The following FOXP1 variants were observed in gnomAD, a reference collection of about 807,000 sequenced individuals.
The protein encoded by FOXP1 is forkhead box P1.
FOXP1 carries 15 observed loss-of-function variants against 98.2 expected under a neutral mutation model. The observed-to-expected ratio is 0.15, with a 90% CI of 0.10 to 0.24. The LOEUF (loss-of-function observed/expected upper bound fraction) is 0.24. FOXP1 is among the 10% of genes least tolerant of loss of function. The pLI, the probability that FOXP1 is intolerant of heterozygous loss-of-function variation, is 1.00. For synonymous variants in FOXP1, 371 were observed against 314.5 expected, an observed-to-expected ratio of 1.18 and a Z score of -1.90; for missense variants, 633 against 848.5, an observed-to-expected ratio of 0.75 and a Z score of 3.15.
At chr3:71,247,445 G>A (rs1328295847) in intron 5 of FOXP1, among the ~76,000 whole-genome samples, 1 of 152,192 alleles carries the variant, frequency 6.6e-6, no homozygotes, top group Non-Finnish European at 1.5e-5. Context: ...TTGTGGCTCA[G>A]AGAAGGCCAT....
intron 3 of FOXP1, among the ~76,000 whole-genome samples, chr3:71,365,493 A>T (rs1386516642): frequency 6.6e-6 from 1 of 151,994 alleles, no homozygotes; most frequent in Non-Finnish European, 1.5e-5. Flanking sequence ...TCATCAATAC[A>T]GTCAAGCCCC....
rs112733073 is a variant in FOXP1 at position 71,431,740 on chromosome 3, G to A, written c.-168+61686C>T. Among the ~76,000 whole-genome samples, 1,035 of 152,232 alleles carry A rather than the reference G, an allele frequency of 6.8e-3. 10 individuals are homozygous for A. Among genetic ancestry groups the A allele is most frequent in the Non-Finnish European group, 0.01 (694 of 68,012 alleles). ...ACAGGCAACAAAACACACCAAAGAC[G>A]AATGGAGACTAACTTTTCCAAGTCA... On this transcript the variant is annotated intron_variant, in intron 3 of 20. Coordinates refer to ENST00000649528, the MANE Select transcript of FOXP1 (RefSeq NM_001349338.3).
At chr3:71,140,474 C>G (rs1335685783) in intron 6 of FOXP1, among the ~76,000 whole-genome samples, 1 of 152,220 alleles carries the variant, frequency 6.6e-6, no homozygotes, top group East Asian at 1.9e-4. Context: ...CTTCCAAAAG[C>G]TCTGTTGTTA....
In FOXP1 at chr3:71,015,534, T is replaced by C. The variant is rs770115156; in HGVS notation, c.974+15A>G. On this transcript the variant is annotated intron_variant, in intron 12 of 20. Coordinates refer to ENST00000649528, the MANE Select transcript of FOXP1 (RefSeq NM_001349338.3). ...GGCTATGTAAAAGAAGAAAACAAAA[T>C]AAAATCATTCTTACTTTAGAAATGA... 1.3e-6 allele frequency: 2 copies of C among 1,575,008 alleles called. No individual in the cohort carries two copies. Among genetic ancestry groups the C allele is most frequent in the Non-Finnish European group, 1.7e-6 (2 of 1,145,064 alleles).
At chr3:71,482,558 G>A (rs1455454373) in intron 3 of FOXP1, among the ~76,000 whole-genome samples, 1 of 151,618 alleles carries the variant, frequency 6.6e-6, no homozygotes, top group Non-Finnish European at 1.5e-5. Flanking sequence ...GCGCCACCAT[G>A]CCCAGCTGAT....
chr3:71,542,642 A>G (rs2044953082), intron 2 of FOXP1, among the ~76,000 whole-genome samples: 1 of 152,234 alleles, frequency 6.6e-6, no homozygotes, highest in South Asian at 2.1e-4. Context: ...CCACATCTGC[A>G]GTTGATGAAA....
At chr3:71,127,892 G>A (rs779796860) in intron 6 of FOXP1, among the ~76,000 whole-genome samples, 3 of 152,194 alleles carry the variant, frequency 2.0e-5, no homozygotes, top group African/African-American at 4.8e-5. Flanking sequence ...CTTTTGGAGA[G>A]AGGCGGAAAG....
chr3:71,479,547 C>T (rs552926386), intron 3 of FOXP1, among the ~76,000 whole-genome samples: 28 of 151,728 alleles, frequency 1.8e-4, no homozygotes, highest in African/African-American at 5.8e-4. Context: ...GGCGTGGTGG[C>T]GGACGCCTGT....
At chr3:71,096,347 T>G (rs1212537734) in intron 7 of FOXP1, among the ~76,000 whole-genome samples, 1 of 152,180 alleles carries the variant, frequency 6.6e-6, no homozygotes, top group Non-Finnish European at 1.5e-5. Context: ...CATCCTAAGA[T>G]TCTCATTCAG....
intron 11 of FOXP1, among the ~76,000 whole-genome samples, chr3:71,020,178 CA>C (rs1272995875): frequency 1.3e-5 from 2 of 151,920 alleles, no homozygotes; most frequent in Non-Finnish European, 2.9e-5. Flanking sequence ...AATTTTAACA[CA>C]AAAATAGTGA....
intron 3 of FOXP1, among the ~76,000 whole-genome samples, chr3:71,466,534 G>A (rs181570210): frequency 6.6e-6 from 1 of 152,284 alleles, no homozygotes; most frequent in African/African-American, 2.4e-5. Context: ...GTCCAAACAA[G>A]CGTTTATTAT....
intron 2 of FOXP1, among the ~76,000 whole-genome samples, chr3:71,523,977 A>G (rs1216387870): frequency 6.6e-6 from 1 of 152,208 alleles, no homozygotes; most frequent in Non-Finnish European, 1.5e-5. Flanking sequence ...ACTACTGGAA[A>G]AAACAATGTA....
At chr3:71,579,232 GA>G (rs1052431918) in intron 2 of FOXP1, among the ~76,000 whole-genome samples, 22 of 146,514 alleles carry the variant, frequency 1.5e-4, no homozygotes, top group African/African-American at 2.5e-4. Flanking sequence ...GTTTATCCCA[GA>G]AAAAAAAAAG....
intron 3 of FOXP1, among the ~76,000 whole-genome samples, chr3:71,418,957 G>C (rs529657648): frequency 5.6e-4 from 82 of 147,724 alleles, no homozygotes; most frequent in South Asian, 8.5e-4. Context: ...AAAAAAGCCG[G>C]GTGCAGTGGC....
chr3:71,269,826 T>C (rs2070154473), intron 5 of FOXP1, among the ~76,000 whole-genome samples: 2 of 152,220 alleles, frequency 1.3e-5, no homozygotes, highest in Admixed American at 1.3e-4. Flanking sequence ...TAACAGCCTC[T>C]AATGATTGTT....
chr3:71,252,462 G>A (rs550994815), intron 5 of FOXP1, among the ~76,000 whole-genome samples: 1 of 152,258 alleles, frequency 6.6e-6, no homozygotes, highest in African/African-American at 2.4e-5. Context: ...TGAGAGAGTG[G>A]AGCTAATAAA....
At chr3:71,197,445 G>C (rs1389625238) in intron 6 of FOXP1, among the ~76,000 whole-genome samples, 1 of 151,892 alleles carries the variant, frequency 6.6e-6, no homozygotes, top group East Asian at 1.9e-4. Flanking sequence ...CTATTTCTTG[G>C]GTCGCCTGTA....
intron 3 of FOXP1, among the ~76,000 whole-genome samples, chr3:71,484,833 A>C (rs1028303483): frequency 2.0e-5 from 3 of 152,142 alleles, no homozygotes; most frequent in African/African-American, 4.8e-5. Flanking sequence ...CAAAACGTGG[A>C]GGTAAAGAAG....
intron 5 of FOXP1, among the ~76,000 whole-genome samples, chr3:71,279,849 C>A (rs1248034702): frequency 1.3e-5 from 2 of 151,984 alleles, no homozygotes; most frequent in Non-Finnish European, 2.9e-5. Flanking sequence ...GCAGGCCAGG[C>A]GCGGTGGCTC....
Sources: allele counts gnomAD v4.1 joint callset (sites outside exome capture counted in the v4.1 genomes callset), GRCh38; gene constraint gnomAD v4.1.1; transcripts MANE v1.5; gene names NCBI Gene and HGNC (gene_info 2026-07-23, HGNC 2026-07-21).